The following USP31 variants were observed in gnomAD, a reference collection of about 807,000 sequenced individuals.
USP31 encodes the protein ubiquitin specific peptidase 31.
In USP31, 44 loss-of-function variants were observed where a neutral mutation model predicts 119.4. The observed-to-expected ratio is 0.37, with a 90% CI of 0.29 to 0.47. The LOEUF is 0.47. USP31 is among the 20% of genes least tolerant of loss of function. The pLI, the probability that USP31 is intolerant of heterozygous loss-of-function variation, is 0.99. For missense variants in USP31, 1,643 were observed against 1,730.2 expected, an observed-to-expected ratio of 0.95 and a Z score of 0.89; for synonymous variants, 749 against 705.6, an observed-to-expected ratio of 1.06 and a Z score of -0.97.
Position 23,149,341 on chromosome 16 carries a change from A to G in USP31, c.-71T>C. 1.0e-6 allele frequency: 1 copy of G among 999,840 alleles called. No homozygotes were observed. The highest frequency in any genetic ancestry group is 1.2e-6 in the Non-Finnish European group (1 of 841,476). 61.9% of individuals were successfully genotyped at this position (999,840 alleles called of 1,614,324 possible). ...GCGGCCCCGCCACGGCCGCCGCCGCATCCCGCAGCGCCGCGCCTCACCGGG... is the reference window on the plus strand; with the variant it reads ...GCGGCCCCGCCACGGCCGCCGCCGCGTCCCGCAGCGCCGCGCCTCACCGGG... On this transcript the variant is annotated 5_prime_UTR_variant, in exon 1 of 16. An upstream start codon of the reference 5' UTR is lost. Transcript: ENST00000219689.
intron 9 of USP31, among the ~76,000 whole-genome samples, chr16:23,086,859 G>T (rs961074786): frequency 2.0e-5 from 3 of 152,142 alleles, no homozygotes; most frequent in African/African-American, 7.2e-5. Flanking sequence ...TACAGTCCTA[G>T]GACATACGTT....
At chr16:23,078,511 C>G (rs942495875) in intron 13 of USP31, among the ~76,000 whole-genome samples, 1 of 152,026 alleles carries the variant, frequency 6.6e-6, no homozygotes, top group Admixed American at 6.6e-5. Flanking sequence ...CTCCTTTCCC[C>G]GACAGCTGAC....
chr16:23,127,423 A>G (rs924287870), intron 1 of USP31, among the ~76,000 whole-genome samples: 1 of 151,922 alleles, frequency 6.6e-6, no homozygotes, highest in East Asian at 1.9e-4. Context: ...TATCTCAAAG[A>G]AAAAAAAGAA....
intron 1 of USP31, among the ~76,000 whole-genome samples, chr16:23,131,926 C>A (rs1286317881): frequency 6.6e-6 from 1 of 152,176 alleles, no homozygotes; most frequent in African/African-American, 2.4e-5. Flanking sequence ...CCAGTAGAAG[C>A]AGATACCAAC....
intron 1 of USP31, among the ~76,000 whole-genome samples, chr16:23,136,477 A>G (rs1185651150): frequency 6.6e-6 from 1 of 151,948 alleles, no homozygotes; most frequent in East Asian, 1.9e-4. Flanking sequence ...ACATGGTGAA[A>G]CCCCGTCTCT....
At chr16:23,071,794 C>A (rs1416326540) in intron 15 of USP31, among the ~76,000 whole-genome samples, 1 of 150,712 alleles carries the variant, frequency 6.6e-6, no homozygotes, top group Non-Finnish European at 1.5e-5. Flanking sequence ...CCAGCCTCCA[C>A]AAGAGACCTT....
At chr16:23,119,402 A>G (rs1264544292) in intron 1 of USP31, among the ~76,000 whole-genome samples, 1 of 152,108 alleles carries the variant, frequency 6.6e-6, no homozygotes, top group Non-Finnish European at 1.5e-5. Context: ...CCGGCCAATT[A>G]CCACTATTGT....
Position 23,063,524 on chromosome 16 carries a change from ATACAG to A in USP31, c.*4517_*4521del, listed in dbSNP as rs1185938736. On this transcript the variant is annotated 3_prime_UTR_variant, in exon 16 of 16. Transcript: ENST00000219689. Reference sequence around the variant, plus strand: ...CACTTTAGGAAAGTCTTCAGGCTAAATACAGTATGTACACCAATGATGTGTGTTCA... The same window carrying A: ...CACTTTAGGAAAGTCTTCAGGCTAAATATGTACACCAATGATGTGTGTTCA... The A allele has an allele frequency of 3.3e-5, 5 of 152,618 alleles. No individual in the cohort carries two copies. Among genetic ancestry groups the A allele is most frequent in the Non-Finnish European group, 7.3e-5 (5 of 68,034 alleles). 9.5% of individuals were successfully genotyped at this position (152,618 alleles called of 1,614,324 possible). A position where few individuals can be genotyped will look rare whatever the true frequency, so the allele number is the denominator to read the frequency against.
At chr16:23,109,891 G>GTCA (rs35609156) in intron 1 of USP31, among the ~76,000 whole-genome samples, 41,782 of 148,994 alleles carry the variant, frequency 0.28, 6,170 homozygotes, top group Admixed American at 0.35. Context: ...AACTATCAAG[G>GTCA]TCAAGGATAA....
rs972663714 is a variant in USP31 at position 23,149,374 on chromosome 16, G to A, written c.-104C>T. 21 of 988,020 alleles carry A rather than the reference G, an allele frequency of 2.1e-5. No homozygotes were observed. The African/African-American group carries it at 3.2e-4, about 15-fold the overall frequency. The allele number at this position is 988,020 out of a possible 1,614,324, so 61.2% of individuals were successfully genotyped here. A position where few individuals can be genotyped will look rare whatever the true frequency, so the allele number is the denominator to read the frequency against. The stretch of plus-strand genomic sequence containing the variant: ...GCGCCGCGCCTCACCGGGCCCGGGG[G>A]CTCGACGCCCCACACACCTCAAAGC... On this transcript the variant is annotated 5_prime_UTR_variant, in exon 1 of 16. Coordinates refer to ENST00000219689, the MANE Select transcript of USP31 (RefSeq NM_020718.4).
Position 23,068,429 on chromosome 16 carries a change from G to A in USP31, c.3676C>T (p.Leu1226=). The part of the protein sequence containing the change: ...KRDSKSEDKG[L]SFFKSALRQK... ...CTCAAGGCTGATTTGAAGAAGGACA[G>A]CCCCTTGTCCTCAGACTTGCTGTCC... The change falls in exon 16 of 16, where the codon CTG becomes TTG. Residue 1226 remains leucine (L), a synonymous_variant. Coordinates refer to ENST00000219689, the MANE Select transcript of USP31 (RefSeq NM_020718.4). The A allele has an allele frequency of 6.2e-7, 1 of 1,613,728 alleles. No individual in the cohort carries two copies. The highest frequency in any genetic ancestry group is 8.5e-7 in the Non-Finnish European group (1 of 1,180,040).
chr16:23,127,565 T>C (rs1009108108), intron 1 of USP31, among the ~76,000 whole-genome samples: 1 of 151,772 alleles, frequency 6.6e-6, no homozygotes, highest in African/African-American at 2.4e-5. Flanking sequence ...TGGGTTCAAG[T>C]GATTCTCCTG....
In USP31 at chr16:23,067,786, A is replaced by G; in HGVS notation, c.*260T>C. 2.7e-6 allele frequency: 1 copy of G among 372,490 alleles called. No homozygotes were observed. Among genetic ancestry groups the G allele is most frequent in the South Asian group, 5.1e-5 (1 of 19,484 alleles). The allele number at this position is 372,490 out of a possible 1,614,324, so 23.1% of individuals were successfully genotyped here. A position where few individuals can be genotyped will look rare whatever the true frequency, so the allele number is the denominator to read the frequency against. ...AATTGCTAAAGGGACCGTCCTGGGT[A>G]TCGTCTACAATTATTCCAGTTAGCT... On this transcript the variant is annotated 3_prime_UTR_variant, in exon 16 of 16. Coordinates refer to ENST00000219689, the MANE Select transcript of USP31 (RefSeq NM_020718.4).
chr16:23,133,579 T>C (rs1452282272), intron 1 of USP31, among the ~76,000 whole-genome samples: 1 of 152,184 alleles, frequency 6.6e-6, no homozygotes, highest in Non-Finnish European at 1.5e-5. Flanking sequence ...AAAAAATCCA[T>C]CCAATCCTGC....
chr16:23,071,981 C>G (rs1283990825), intron 15 of USP31, 64 bp downstream of exon 15: 76 of 1,547,612 alleles, frequency 4.9e-5, no homozygotes, highest in East Asian at 2.3e-5. Context: ...AGGAAAAACA[C>G]GAGGGACTCT....
chr16:23,064,932 G>T lies in USP31; in HGVS notation c.*3114C>A, dbSNP rs1425597812. 1 of 152,148 alleles carries T rather than the reference G, an allele frequency of 6.6e-6. No individual in the cohort carries two copies. The highest frequency in any genetic ancestry group is 2.4e-5 in the African/African-American group (1 of 41,420). 9.4% of individuals were successfully genotyped at this position (152,148 alleles called of 1,614,324 possible). The stretch of plus-strand genomic sequence containing the variant: ...TCCCACATCCGTTCCCACTGGTCCA[G>T]CATATTATTACTTACTTTCAGTTCA... On this transcript the variant is annotated 3_prime_UTR_variant, in exon 16 of 16. Transcript: ENST00000219689.
At chr16:23,124,789 T>C (rs540011375) in intron 1 of USP31, among the ~76,000 whole-genome samples, 2 of 152,304 alleles carry the variant, frequency 1.3e-5, no homozygotes, top group Admixed American at 1.3e-4. Flanking sequence ...CTTGGGAGGC[T>C]GAGGCAGGAG....
At chr16:23,084,335 T>C (rs1900995052) in intron 11 of USP31, among the ~76,000 whole-genome samples, 1 of 152,232 alleles carries the variant, frequency 6.6e-6, no homozygotes, top group African/African-American at 2.4e-5. Context: ...AGCCTTGCTG[T>C]CTACTTTCTG....
intron 9 of USP31, 71 bp from the exon 10 acceptor site, chr16:23,085,733 T>G: frequency 7.9e-7 from 1 of 1,268,726 alleles, no homozygotes; most frequent in Non-Finnish European, 1.1e-6. Context: ...CTTAATGTGA[T>G]TATGTCCTAC....
Sources: allele counts gnomAD v4.1 joint callset (sites outside exome capture counted in the v4.1 genomes callset), GRCh38; gene constraint gnomAD v4.1.1; transcripts MANE v1.5; gene names NCBI Gene and HGNC (gene_info 2026-07-23, HGNC 2026-07-21).